The following TMC1 variants were observed in gnomAD, a reference collection of about 807,000 sequenced individuals.
TMC1 encodes transmembrane channel-like protein 1.
TMC1 carries 84 observed loss-of-function variants against 105.8 expected under a neutral mutation model. The ratio of observed to expected loss-of-function variants is 0.79; its 90% CI spans 0.67 to 0.95. TMC1 has a LOEUF of 0.95. Among genes scored for constraint, TMC1 ranks in the 40% least tolerant of loss-of-function variants. TMC1 has a pLI of 0.00. For synonymous variants in TMC1, 315 were observed against 311.5 expected, an observed-to-expected ratio of 1.01 and a Z score of -0.12; for missense variants, 817 against 914.1, an observed-to-expected ratio of 0.89 and a Z score of 1.37.
Position 72,568,947 on chromosome 9 carries a change from C to T in TMC1, c.-427-8955C>T, listed in dbSNP as rs76268211. Reference sequence around the variant, plus strand: ...TTATTAGATGTGTTTGGAAAACCAACAGCATGAACAAGATAATCCAAGAAA... The same window carrying T: ...TTATTAGATGTGTTTGGAAAACCAATAGCATGAACAAGATAATCCAAGAAA... On this transcript the variant is annotated intron_variant, in intron 1 of 23. Transcript: ENST00000297784. Among the ~76,000 whole-genome samples, 8 of 152,244 alleles carry T rather than the reference C, an allele frequency of 5.3e-5. No individual in the cohort carries two copies. In the East Asian group the frequency reaches 1.5e-3, roughly 29 times the overall value.
intron 8 of TMC1, among the ~76,000 whole-genome samples, chr9:72,705,127 T>A (rs1319487438): frequency 6.6e-6 from 1 of 152,186 alleles, no homozygotes; most frequent in Non-Finnish European, 1.5e-5. Context: ...TTCCTACCTA[T>A]AAGAGGTCGC....
intron 5 of TMC1, among the ~76,000 whole-genome samples, chr9:72,657,937 T>G (rs767125988): frequency 1.7e-4 from 26 of 152,194 alleles, no homozygotes; most frequent in Non-Finnish European, 3.2e-4. Flanking sequence ...ATTTAAATAT[T>G]TCATATTAGT....
intron 12 of TMC1, among the ~76,000 whole-genome samples, chr9:72,755,223 C>CTCAGAGT (rs1827660591): frequency 1.3e-5 from 2 of 152,186 alleles, no homozygotes; most frequent in South Asian, 4.2e-4. Context: ...TAAAGGTGAG[C>CTCAGAGT]TCAGAGTTCA....
At chr9:72,716,404 T>A (rs1826919983) in intron 8 of TMC1, among the ~76,000 whole-genome samples, 1 of 151,934 alleles carries the variant, frequency 6.6e-6, no homozygotes, top group African/African-American at 2.4e-5. Flanking sequence ...AAGGTGGGGG[T>A]TTTACCTATG....
chr9:72,748,319 T>C (rs73647818), intron 10 of TMC1, among the ~76,000 whole-genome samples: 2 of 152,300 alleles, frequency 1.3e-5, no homozygotes, highest in South Asian at 4.1e-4. Context: ...TACATATAGA[T>C]CAAATTGGTG....
intron 17 of TMC1, among the ~76,000 whole-genome samples, chr9:72,802,705 C>T (rs1332182890): frequency 1.3e-5 from 2 of 152,112 alleles, no homozygotes; most frequent in African/African-American, 4.8e-5. Context: ...AGGAGAACTA[C>T]AAACCACTGC....
At chr9:72,688,880 G>T (rs1826417538) in intron 6 of TMC1, 124 bp downstream of exon 6, 3 of 830,280 alleles carry the variant, frequency 3.6e-6, no homozygotes, top group African/African-American at 1.7e-5. Context: ...AACTTTTCAT[G>T]GTCTCACAGG....
At chr9:72,553,450 G>T (rs1019939572) in intron 1 of TMC1, among the ~76,000 whole-genome samples, 2 of 152,164 alleles carry the variant, frequency 1.3e-5, no homozygotes, top group Non-Finnish European at 2.9e-5. Flanking sequence ...AAAAGAGACT[G>T]AATTATTTGT....
At chr9:72,730,779 C>G (rs967198622) in intron 8 of TMC1, among the ~76,000 whole-genome samples, 1 of 152,196 alleles carries the variant, frequency 6.6e-6, no homozygotes, top group African/African-American at 2.4e-5. Flanking sequence ...ACGATCCCAT[C>G]TGGGGGTGAT....
intron 1 of TMC1, among the ~76,000 whole-genome samples, chr9:72,570,878 G>A (rs1824270081): frequency 1.3e-5 from 2 of 149,270 alleles, no homozygotes; most frequent in South Asian, 4.2e-4. Context: ...TAGTAGAGAT[G>A]GGGTTTTGCC....
At chr9:72,677,329 G>A (rs1265908109) in intron 5 of TMC1, among the ~76,000 whole-genome samples, 1 of 152,098 alleles carries the variant, frequency 6.6e-6, no homozygotes, top group African/African-American at 2.4e-5. Flanking sequence ...GTCTTGCTCA[G>A]CCTTTGGTTC....
intron 5 of TMC1, among the ~76,000 whole-genome samples, chr9:72,675,757 A>G (rs1826192877): frequency 6.6e-6 from 1 of 152,164 alleles, no homozygotes; most frequent in Non-Finnish European, 1.5e-5. Flanking sequence ...GCAGACTGTC[A>G]AGCTCTTACT....
At chr9:72,551,390 A>G (rs947538912) in intron 1 of TMC1, among the ~76,000 whole-genome samples, 1 of 152,194 alleles carries the variant, frequency 6.6e-6, no homozygotes, top group Non-Finnish European at 1.5e-5. Flanking sequence ...AAATACAGAA[A>G]CAAAGCAAAA....
At chr9:72,590,038 T>G (rs1476866706) in intron 2 of TMC1, among the ~76,000 whole-genome samples, 1 of 152,194 alleles carries the variant, frequency 6.6e-6, no homozygotes, top group Non-Finnish European at 1.5e-5. Flanking sequence ...TCCCAGCCCT[T>G]GGCTGCCTCT....
intron 1 of TMC1, among the ~76,000 whole-genome samples, chr9:72,544,639 C>T (rs1823733880): frequency 6.6e-6 from 1 of 151,714 alleles, no homozygotes; most frequent in Admixed American, 6.6e-5. Flanking sequence ...GCCACCACAC[C>T]CGGCTAATTT....
intron 5 of TMC1, among the ~76,000 whole-genome samples, chr9:72,683,733 T>TTA (rs58007608): frequency 0.029 from 1,564 of 53,112 alleles, 41 homozygotes; most frequent in Admixed American, 0.033. Flanking sequence ...GTTACACATT[T>TTA]TATATATATA....
intron 6 of TMC1, among the ~76,000 whole-genome samples, chr9:72,690,030 T>A (rs1826438961): frequency 6.6e-6 from 1 of 152,078 alleles, no homozygotes; most frequent in Non-Finnish European, 1.5e-5. Context: ...TTGTCCCTTT[T>A]TTATCTCATG....
rs2118299349 is a variant in TMC1, at chr9:72,821,055, A to G, written c.1977A>G (p.Pro659=). ...TCTTGTACATGATCGTGTCCCTCCC[A>G]CCATCTTTTGATTGTGGTCCATTCA... ...MPVLYMIVSL[P]PSFDCGPFSG... is the part of the protein sequence containing the mutation. Residue 659 remains proline, a synonymous_variant, in exon 20 of 24, where the codon CCA becomes CCG. Coordinates refer to ENST00000297784, the MANE Select transcript of TMC1 (RefSeq NM_138691.3). The G allele has an allele frequency of 6.2e-7, 1 of 1,613,974 alleles. No homozygotes were observed. Among genetic ancestry groups the G allele is most frequent in the South Asian group, 1.1e-5 (1 of 91,066 alleles).
chr9:72,806,568 C>G (rs1317334921), intron 18 of TMC1, among the ~76,000 whole-genome samples: 3 of 150,192 alleles, frequency 2.0e-5, no homozygotes, highest in Admixed American at 2.0e-4. Context: ...GGCAGAGGGT[C>G]TCCTCACTTC....
Sources: allele counts gnomAD v4.1 joint callset (sites outside exome capture counted in the v4.1 genomes callset), GRCh38; gene constraint gnomAD v4.1.1; transcripts MANE v1.5; gene names NCBI Gene and HGNC (gene_info 2026-07-23, HGNC 2026-07-21).